The following DCLK1 variants were observed in gnomAD, a reference collection of about 807,000 sequenced individuals.
DCLK1 encodes doublecortin like kinase 1, also known as serine/threonine-protein kinase DCLK1.
In DCLK1, 16 loss-of-function variants were observed where a neutral mutation model predicts 86.2. The observed-to-expected ratio is 0.19, with a 90% confidence interval of 0.13 to 0.28. The LOEUF (loss-of-function observed/expected upper bound fraction) is 0.28. Among genes scored for constraint, DCLK1 ranks in the 10% least tolerant of loss-of-function variants. DCLK1 has a pLI of 1.00. For missense variants in DCLK1, 590 were observed against 940.2 expected, an observed-to-expected ratio of 0.63 and a Z score of 4.87; for synonymous variants, 369 against 370.5, an observed-to-expected ratio of 1.00 and a Z score of 0.05.
intron 8 of DCLK1, 53 bp from the exon 9 acceptor site, chr13:35,828,360 G>T: frequency 1.4e-6 from 2 of 1,451,110 alleles, no homozygotes; most frequent in Non-Finnish European, 1.9e-6. Context: ...CAAATCTATT[G>T]AATTATTTTG....
At chr13:35,943,472 T>C (rs1447922278) in intron 4 of DCLK1, among the ~76,000 whole-genome samples, 1 of 152,152 alleles carries the variant, frequency 6.6e-6, no homozygotes, top group Non-Finnish European at 1.5e-5. Context: ...ACATTGAAGG[T>C]AACGCCTATT....
intron 4 of DCLK1, among the ~76,000 whole-genome samples, chr13:35,887,679 A>G (rs1349115729): frequency 1.3e-5 from 2 of 152,102 alleles, no homozygotes; most frequent in African/African-American, 4.8e-5. Flanking sequence ...CTAGGAACTG[A>G]TCTTGTGAGC....
At chr13:35,796,568 C>T (rs1380704455) in intron 15 of DCLK1, among the ~76,000 whole-genome samples, 1 of 152,148 alleles carries the variant, frequency 6.6e-6, no homozygotes, top group African/African-American at 2.4e-5. Flanking sequence ...CTGCTGTTTA[C>T]ATGTATGATC....
At chr13:35,889,903 G>A (rs1206218636) in intron 4 of DCLK1, among the ~76,000 whole-genome samples, 3 of 152,122 alleles carry the variant, frequency 2.0e-5, no homozygotes, top group Admixed American at 1.3e-4. Flanking sequence ...AACATATAGT[G>A]ATGTGGAATG....
intron 3 of DCLK1, among the ~76,000 whole-genome samples, chr13:36,109,992 C>T (rs971896972): frequency 6.6e-6 from 1 of 152,124 alleles, no homozygotes; most frequent in Non-Finnish European, 1.5e-5. Flanking sequence ...TTTTTAGATT[C>T]AGAGTAGCAT....
At chr13:35,827,584 G>T in intron 10 of DCLK1, 51 bp downstream of exon 10, 1 of 1,605,846 alleles carries the variant, frequency 6.2e-7, no homozygotes, top group East Asian at 2.2e-5. Flanking sequence ...CTAGAATATA[G>T]GCAAGTGCGG....
chr13:36,011,071 T>C (rs1881241219), intron 3 of DCLK1, among the ~76,000 whole-genome samples: 1 of 69,098 alleles, frequency 1.4e-5, no homozygotes, highest in Non-Finnish European at 3.0e-5. Flanking sequence ...TCGGTGGTGA[T>C]ATCCCCTTTA....
chr13:35,948,749 C>T (rs1877514251), intron 3 of DCLK1, among the ~76,000 whole-genome samples: 1 of 152,104 alleles, frequency 6.6e-6, no homozygotes, highest in Non-Finnish European at 1.5e-5. Flanking sequence ...GAGGTACTAT[C>T]CACGGTTGTC....
At chr13:35,828,545 C>T (rs991560487) in intron 8 of DCLK1, among the ~76,000 whole-genome samples, 4 of 152,150 alleles carry the variant, frequency 2.6e-5, no homozygotes, top group African/African-American at 4.8e-5. Context: ...TTTATGTTGC[C>T]GTACTTGTAA....
intron 16 of DCLK1, among the ~76,000 whole-genome samples, chr13:35,792,756 T>C (rs548575240): frequency 4.6e-5 from 7 of 152,304 alleles, no homozygotes; most frequent in African/African-American, 1.7e-4. Context: ...TCTGCATGTA[T>C]AGAACAGAAA....
intron 3 of DCLK1, among the ~76,000 whole-genome samples, chr13:36,023,315 G>A (rs1007414776): frequency 2.6e-5 from 4 of 152,212 alleles, no homozygotes; most frequent in Non-Finnish European, 5.9e-5. Context: ...AGAGCCAATG[G>A]TGCATGTCTA....
chr13:35,785,502 T>C (rs570327696), intron 16 of DCLK1, among the ~76,000 whole-genome samples: 2 of 152,096 alleles, frequency 1.3e-5, no homozygotes, highest in Non-Finnish European at 2.9e-5. Flanking sequence ...AAGTGAAGGA[T>C]GCTGCTCCCT....
intron 4 of DCLK1, among the ~76,000 whole-genome samples, chr13:35,874,768 T>G (rs981546755): frequency 3.3e-5 from 5 of 152,218 alleles, no homozygotes; most frequent in Non-Finnish European, 7.3e-5. Context: ...CGTGGAGATT[T>G]TGATTCGCAA....
chr13:36,017,835 ATGCACAGACTGCAAACTCTT>A, intron 3 of DCLK1, among the ~76,000 whole-genome samples: 1 of 152,164 alleles, frequency 6.6e-6, no homozygotes, highest in South Asian at 2.1e-4. Context: ...ACACACATGC[ATGCACAGACTGCAAACTCTT>A]TGCCATAAGA....
At chr13:35,979,878 G>A (rs1009419727) in intron 3 of DCLK1, among the ~76,000 whole-genome samples, 1 of 152,202 alleles carries the variant, frequency 6.6e-6, no homozygotes, top group Non-Finnish European at 1.5e-5. Flanking sequence ...AGCTGGACCT[G>A]AGCACACTGG....
intron 11 of DCLK1, among the ~76,000 whole-genome samples, chr13:35,819,393 G>A (rs1351699208): frequency 6.6e-6 from 1 of 152,028 alleles, no homozygotes; most frequent in Non-Finnish European, 1.5e-5. Context: ...TTTTTATGCT[G>A]TTCTATAAGA....
intron 3 of DCLK1, among the ~76,000 whole-genome samples, chr13:35,999,224 C>A (rs1187365305): frequency 1.3e-5 from 2 of 151,616 alleles, no homozygotes; most frequent in Non-Finnish European, 2.9e-5. Flanking sequence ...CACTGCACTC[C>A]AGCCTGGGCA....
At chr13:35,915,828 T>C (rs963310638) in intron 4 of DCLK1, among the ~76,000 whole-genome samples, 2 of 152,184 alleles carry the variant, frequency 1.3e-5, no homozygotes, top group Non-Finnish European at 2.9e-5. Context: ...AGTTACTACT[T>C]TACTTATGTT....
intron 15 of DCLK1, among the ~76,000 whole-genome samples, chr13:35,794,622 G>A (rs182171748): frequency 1.3e-5 from 2 of 152,302 alleles, no homozygotes; most frequent in African/African-American, 2.4e-5. Context: ...ACAGTACGTG[G>A]GGGAGAAACG....
Sources: gnomAD v4.1 joint callset for allele counts (sites outside exome capture counted in the v4.1 genomes callset) on GRCh38, gnomAD v4.1.1 for gene constraint, MANE v1.5 for transcripts, NCBI Gene and HGNC (gene_info 2026-07-23, HGNC 2026-07-21) for gene names.